The following KLF8 variants were observed in gnomAD, a reference collection of about 807,000 sequenced individuals.
KLF8 encodes the protein KLF transcription factor 8, also known as Krueppel-like factor 8.
Under a neutral mutation model 18.2 loss-of-function variants are expected in KLF8, and 10 were observed. That is an observed-to-expected ratio of 0.55 (90% CI 0.34 to 0.93). The LOEUF is 0.93. Among genes scored for constraint, KLF8 ranks in the 40% least tolerant of loss-of-function variants. The probability of loss-of-function intolerance (pLI) is 0.02; values close to 1 mark genes in which losing one functional copy is unlikely to be tolerated. For missense variants in KLF8, 264 were observed against 277.9 expected, an observed-to-expected ratio of 0.95 and a Z score of 0.36; for synonymous variants, 109 against 97.3, an observed-to-expected ratio of 1.12 and a Z score of -0.71.
the KLF8 span, among the ~76,000 whole-genome samples, chrX:55,912,391 C>G: frequency 9.0e-6 from 1 of 111,126 alleles, no homozygotes; most frequent in Non-Finnish European, 1.9e-5. Context: ...TATGCCTGTT[C>G]CCATCCCATA....
At chrX:55,951,203 C>T in the KLF8 span, among the ~76,000 whole-genome samples, 27 of 110,944 alleles carry the variant, frequency 2.4e-4, no homozygotes, top group South Asian at 3.5e-3. Context: ...GCTCTGGGCA[C>T]GGTAGCTCAT....
chrX:56,227,916 CA>C (rs1457426365), upstream of KLF8, among the ~76,000 whole-genome samples: 21 of 107,774 alleles, frequency 1.9e-4, no homozygotes, highest in East Asian at 1.5e-3. Context: ...CACACACACA[CA>C]CCTAGTCAAG....
chrX:55,991,052 C>T, the KLF8 span, among the ~76,000 whole-genome samples: 8 of 112,275 alleles, frequency 7.1e-5, no homozygotes, highest in Non-Finnish European at 9.4e-5. Flanking sequence ...TTTAAGTCTG[C>T]GGAGTTTTCT....
the KLF8 span, among the ~76,000 whole-genome samples, chrX:56,189,172 A>G: frequency 1.8e-5 from 2 of 111,992 alleles, no homozygotes; most frequent in African/African-American, 6.5e-5. Flanking sequence ...TAAATTTACA[A>G]GAAAAAAAGC....
chrX:56,047,360 C>G, the KLF8 span, among the ~76,000 whole-genome samples: 10 of 108,725 alleles, frequency 9.2e-5, no homozygotes, highest in Non-Finnish European at 1.9e-4. Flanking sequence ...TGGTGTGCAG[C>G]ACCCATTAAC....
chrX:56,148,644 A>G, the KLF8 span, among the ~76,000 whole-genome samples: 5 of 112,131 alleles, frequency 4.5e-5, no homozygotes, highest in Non-Finnish European at 9.4e-5. Flanking sequence ...ACAGTTCCAC[A>G]TGGCTGGGGA....
chrX:56,217,827 T>C, the KLF8 span, among the ~76,000 whole-genome samples: 1 of 111,380 alleles, frequency 9.0e-6, no homozygotes, highest in Non-Finnish European at 1.9e-5. Flanking sequence ...AAATTAGGAT[T>C]GGGAATGTGG....
At chrX:56,088,391 G>T in the KLF8 span, among the ~76,000 whole-genome samples, 2 of 111,274 alleles carry the variant, frequency 1.8e-5, no homozygotes, top group East Asian at 5.6e-4. Flanking sequence ...TTGTTTACAG[G>T]ATATTGAGTG....
At chrX:56,058,591 G>A in the KLF8 span, among the ~76,000 whole-genome samples, 1 of 102,262 alleles carries the variant, frequency 9.8e-6, no homozygotes, top group Non-Finnish European at 2.0e-5. Context: ...TTACAAGTAA[G>A]AACATGTGGG....
At chrX:56,243,756 G>A (rs1181835020) in intron 1 of KLF8, among the ~76,000 whole-genome samples, 1 of 109,150 alleles carries the variant, frequency 9.2e-6, no homozygotes, top group Non-Finnish European at 1.9e-5. Flanking sequence ...GGATGGTCTC[G>A]ATCTCCTGAC....
the KLF8 span, chrX:55,908,696 G>A: frequency 3.5e-6 from 1 of 288,262 alleles, no homozygotes; most frequent in Non-Finnish European, 6.1e-6. Flanking sequence ...TGTAGTCCGA[G>A]GGAGTGAGGA....
chrX:56,238,399 T>C (rs1602408508), intron 1 of KLF8, among the ~76,000 whole-genome samples: 1 of 111,366 alleles, frequency 9.0e-6, no homozygotes, highest in Non-Finnish European at 1.9e-5. Flanking sequence ...CGATTGGACC[T>C]GGGAGGCGGA....
the KLF8 span, among the ~76,000 whole-genome samples, chrX:56,172,058 T>C: frequency 9.0e-6 from 1 of 111,238 alleles, no homozygotes; most frequent in Non-Finnish European, 1.9e-5. Flanking sequence ...TTTTAATGAT[T>C]GCCATTCTAA....
At chrX:55,985,098 T>A in the KLF8 span, among the ~76,000 whole-genome samples, 41 of 111,554 alleles carry the variant, frequency 3.7e-4, no homozygotes, top group African/African-American at 1.3e-3. Flanking sequence ...GATGATAGTT[T>A]CTTTTGCTGT....
chrX:56,198,532 G>T, the KLF8 span, among the ~76,000 whole-genome samples: 38 of 111,731 alleles, frequency 3.4e-4, no homozygotes, highest in Middle Eastern at 4.6e-3. Flanking sequence ...AATTTACAAG[G>T]GATGTGAAGA....
At chrX:56,135,975 A>C in the KLF8 span, among the ~76,000 whole-genome samples, 2 of 111,852 alleles carry the variant, frequency 1.8e-5, no homozygotes, top group East Asian at 5.7e-4. Context: ...CAGAGAGCCA[A>C]ATCATGAGTG....
At chrX:55,997,894 C>A in the KLF8 span, among the ~76,000 whole-genome samples, 1 of 110,038 alleles carries the variant, frequency 9.1e-6, no homozygotes, top group Non-Finnish European at 1.9e-5. Flanking sequence ...GGGGAACCAG[C>A]GTTCAGCATA....
the KLF8 span, among the ~76,000 whole-genome samples, chrX:56,008,539 C>T: frequency 1.8e-5 from 2 of 112,045 alleles, no homozygotes; most frequent in Non-Finnish European, 3.8e-5. Context: ...TCAGGAGATC[C>T]CCTCATGAGC....
the KLF8 span, among the ~76,000 whole-genome samples, chrX:55,917,508 G>A: frequency 8.9e-6 from 1 of 111,765 alleles, no homozygotes; most frequent in Admixed American, 9.5e-5. Flanking sequence ...TACTAAAATG[G>A]TCATGATGGT....
Sources: allele counts gnomAD v4.1 joint callset (sites outside exome capture counted in the v4.1 genomes callset), GRCh38; gene constraint gnomAD v4.1.1; transcripts MANE v1.5; gene names NCBI Gene and HGNC (gene_info 2026-07-23, HGNC 2026-07-21).